Variants in GARNL3 observed in about 807,000 individuals in gnomAD.
GARNL3 encodes the protein GTPase activating Rap/RanGAP domain like 3.
A neutral mutation model predicts 125.0 loss-of-function variants in GARNL3; 63 were observed. The observed-to-expected ratio is 0.50, with a 90% confidence interval of 0.41 to 0.62. The LOEUF (loss-of-function observed/expected upper bound fraction) is 0.62. GARNL3 is among the 20% of genes least tolerant of loss of function. The pLI, the probability that GARNL3 is intolerant of heterozygous loss-of-function variation, is 0.00. For synonymous variants in GARNL3, 439 were observed against 457.5 expected, an observed-to-expected ratio of 0.96 and a Z score of 0.52; for missense variants, 994 against 1,244.0, an observed-to-expected ratio of 0.80 and a Z score of 3.02.
Position 127,266,670 on chromosome 9 carries a change from T to A in GARNL3, c.144+1649T>A, listed in dbSNP as rs1388476898. On this transcript the variant is annotated intron_variant, in intron 1 of 27. Coordinates refer to ENST00000373387, the MANE Select transcript of GARNL3 (RefSeq NM_032293.5). The surrounding 1 kb of genome is among the most constrained non-coding windows in gnomAD (Gnocchi z 4.0). ...TTAGAGGGTTGTTATGAGGATTAAATGAGATCATGTACATAAAGTACTTAG... is the reference window on the plus strand; with the variant it reads ...TTAGAGGGTTGTTATGAGGATTAAAAGAGATCATGTACATAAAGTACTTAG... Among the ~76,000 whole-genome samples, 1 of 152,226 alleles carries A rather than the reference T, an allele frequency of 6.6e-6. No homozygotes were observed. Among genetic ancestry groups the A allele is most frequent in the Non-Finnish European group, 1.5e-5 (1 of 68,040 alleles).
At chr9:127,343,155 T>C (rs1829959959) in intron 14 of GARNL3, among the ~76,000 whole-genome samples, 1 of 152,060 alleles carries the variant, frequency 6.6e-6, no homozygotes, top group African/African-American at 2.4e-5. Context: ...TGCCTTGGCC[T>C]CCCAAAGTGC....
At chr9:127,251,408 TG>T (rs146612853) in intron 2 of GARNL3, among the ~76,000 whole-genome samples, 2,201 of 152,266 alleles carry the variant, frequency 0.014, 53 homozygotes, top group African/African-American at 0.051. Flanking sequence ...TGTTTTGTTT[TG>T]TTTTTTTCAG....
At chr9:127,253,067 T>G in intron 2 of GARNL3, among the ~76,000 whole-genome samples, 1 of 152,250 alleles carries the variant, frequency 6.6e-6, no homozygotes. Context: ...TTTTTATGTC[T>G]GACTCAAAAA....
At chr9:127,346,538 C>T (rs183563213) in intron 16 of GARNL3, among the ~76,000 whole-genome samples, 5 of 152,124 alleles carry the variant, frequency 3.3e-5, no homozygotes, top group African/African-American at 7.2e-5. Flanking sequence ...TTTCCAAGTA[C>T]GTTATAGATA....
chr9:127,326,396 A>G (rs2065573640), intron 7 of GARNL3, among the ~76,000 whole-genome samples: 2 of 152,170 alleles, frequency 1.3e-5, no homozygotes, highest in African/African-American at 4.8e-5. Flanking sequence ...TGATTGATTG[A>G]TTGATGATTG....
intron 2 of GARNL3, among the ~76,000 whole-genome samples, chr9:127,296,194 G>T (rs2064585979): frequency 6.6e-6 from 1 of 152,130 alleles, no homozygotes; most frequent in Non-Finnish European, 1.5e-5. Flanking sequence ...ATGAAGCTTT[G>T]CTCACCCACC....
intron 2 of GARNL3, among the ~76,000 whole-genome samples, chr9:127,246,697 C>T (rs1343658429): frequency 2.0e-5 from 3 of 151,966 alleles, no homozygotes; most frequent in Non-Finnish European, 4.4e-5. Flanking sequence ...GTCCCAGCTA[C>T]GTGGGAGGCT....
chr9:127,354,132 G>T (rs4072239), intron 18 of GARNL3, among the ~76,000 whole-genome samples, 162 bp from the exon 19 acceptor site: 42,611 of 152,042 alleles, frequency 0.28, 6,985 homozygotes, highest in Middle Eastern at 0.44. Context: ...GGGGAAAGGG[G>T]TGCATACGTA....
chr9:127,253,353 A>C (rs1342776700), intron 2 of GARNL3, among the ~76,000 whole-genome samples: 2 of 152,170 alleles, frequency 1.3e-5, no homozygotes, highest in East Asian at 3.8e-4. Context: ...AGTGATTTTA[A>C]CTTGTTTTAT....
intron 2 of GARNL3, among the ~76,000 whole-genome samples, chr9:127,291,895 C>T (rs571474693): frequency 6.6e-6 from 1 of 152,164 alleles, no homozygotes; most frequent in African/African-American, 2.4e-5. Context: ...GGGCAAGGAC[C>T]CCAGCCACCC....
At chr9:127,243,006 G>C (rs2063230099) in intron 1 of GARNL3, 9 of 1,236,608 alleles carry the variant, frequency 7.3e-6, no homozygotes, top group Non-Finnish European at 9.5e-6. Context: ...TTGGGAGGAG[G>C]GTAAAGCAGG....
At chr9:127,288,054 G>A (rs1230042644) in intron 1 of GARNL3, among the ~76,000 whole-genome samples, 3 of 152,238 alleles carry the variant, frequency 2.0e-5, no homozygotes, top group African/African-American at 4.8e-5. Flanking sequence ...CTCTGGAGAT[G>A]CAGTGGTGAG....
chr9:127,310,727 T>C (rs62578832), intron 2 of GARNL3, among the ~76,000 whole-genome samples: 20,154 of 146,060 alleles, frequency 0.14, 1,744 homozygotes, highest in East Asian at 0.22. Context: ...TGAGCCAAGA[T>C]GGCACCACTG....
chr9:127,288,533 C>T (rs2064318153), intron 1 of GARNL3, among the ~76,000 whole-genome samples: 1 of 152,144 alleles, frequency 6.6e-6, no homozygotes, highest in Non-Finnish European at 1.5e-5. Flanking sequence ...ATGATGGTGA[C>T]TTGAATGAAG....
chr9:127,331,409 C>G lies in GARNL3; in HGVS notation c.595-865C>G, dbSNP rs186331284. 3.0e-3 allele frequency among the ~76,000 whole-genome samples: 456 copies of G among 151,954 alleles called. 3 individuals are homozygous for G. Among genetic ancestry groups the G allele is most frequent in the Non-Finnish European group, 4.5e-3 (303 of 67,980 alleles). On this transcript the variant is annotated intron_variant, in intron 7 of 27. Transcript: ENST00000373387. ...TCAGGAGGCTGAGGCAGGGGAATTG[C>G]TTGAACCAGGGAGGTGGAGGTTGCA...
At chr9:127,248,802 GT>G (rs1443499229) in intron 2 of GARNL3, among the ~76,000 whole-genome samples, 2 of 151,528 alleles carry the variant, frequency 1.3e-5, no homozygotes, top group Non-Finnish European at 2.9e-5. Flanking sequence ...TAGAGACATG[GT>G]TTCGCCATGT....
chr9:127,227,807 C>G (rs2131121511), intron 1 of GARNL3, among the ~76,000 whole-genome samples: 1 of 152,010 alleles, frequency 6.6e-6, no homozygotes, highest in East Asian at 1.9e-4. Context: ...GTAGTCTCAG[C>G]TACTCCAGAG....
upstream of GARNL3, chr9:127,264,072 A>G (rs920200598): frequency 2.2e-6 from 2 of 928,614 alleles, no homozygotes; most frequent in African/African-American, 1.7e-5. Context: ...ATTCCTATAT[A>G]ATTTTATTTT....
chr9:127,238,798 G>A (rs771486380), intron 1 of GARNL3, among the ~76,000 whole-genome samples: 4 of 152,070 alleles, frequency 2.6e-5, no homozygotes, highest in South Asian at 2.1e-4. Flanking sequence ...TCATCTGTCC[G>A]GTGCTGCGTT....
Sources: allele counts gnomAD v4.1 joint callset (sites outside exome capture counted in the v4.1 genomes callset), GRCh38; gene constraint gnomAD v4.1.1; non-coding constraint Gnocchi (gnomAD v3.1); transcripts MANE v1.5; gene names NCBI Gene and HGNC (gene_info 2026-07-23, HGNC 2026-07-21).